AGBL4: variants seen among roughly 807,000 people sequenced by gnomAD.
AGBL4 encodes AGBL carboxypeptidase 4.
AGBL4 carries 58 observed loss-of-function variants against 66.4 expected under a neutral mutation model. The observed-to-expected ratio is 0.87, with a 90% CI of 0.71 to 1.09. The LOEUF (loss-of-function observed/expected upper bound fraction) is 1.09. AGBL4 is among the 50% of genes least tolerant of loss of function. The pLI is 0.00. For synonymous variants in AGBL4, 234 were observed against 222.9 expected (o/e 1.05, Z -0.44); for missense variants, 579 against 631.0 (o/e 0.92, Z 0.88).
At chr1:49,187,820 C>T (rs1048988833) in intron 4 of AGBL4, among the ~76,000 whole-genome samples, 1 of 152,096 alleles carries the variant, frequency 6.6e-6, no homozygotes, top group Non-Finnish European at 1.5e-5. Flanking sequence ...TATTCTTTTA[C>T]CCCTTGATAT....
At chr1:49,794,959 G>A (rs1035644812) in intron 2 of AGBL4, among the ~76,000 whole-genome samples, 4 of 151,888 alleles carry the variant, frequency 2.6e-5, no homozygotes, top group Admixed American at 1.3e-4. Flanking sequence ...AGCACTAGAT[G>A]TTGAAAAGTA....
At chr1:49,017,163 AG>A (rs1439875904) in intron 5 of AGBL4, among the ~76,000 whole-genome samples, 2 of 152,242 alleles carry the variant, frequency 1.3e-5, no homozygotes, top group African/African-American at 4.8e-5. Context: ...ATCCTCTCCC[AG>A]AAAAATGCAC....
intron 6 of AGBL4, chr1:48,818,197 A>G: frequency 1.4e-6 from 1 of 717,462 alleles, no homozygotes; most frequent in South Asian, 1.5e-5. Context: ...TCAGAAGCAA[A>G]TGATTTCACC....
intron 3 of AGBL4, among the ~76,000 whole-genome samples, chr1:49,525,322 G>A (rs1199488322): frequency 6.6e-6 from 1 of 152,060 alleles, no homozygotes; most frequent in African/African-American, 2.4e-5. Flanking sequence ...CTGCTGTAGA[G>A]TGAGTGGTCA....
At chr1:49,410,211 A>G (rs1253901376) in intron 3 of AGBL4, among the ~76,000 whole-genome samples, 1 of 152,118 alleles carries the variant, frequency 6.6e-6, no homozygotes, top group African/African-American at 2.4e-5. Context: ...GCTCCAGGAT[A>G]TGGCCATGTT....
intron 5 of AGBL4, among the ~76,000 whole-genome samples, chr1:48,891,251 CA>C (rs1650932140): frequency 6.6e-6 from 1 of 150,856 alleles, no homozygotes; most frequent in Non-Finnish European, 1.5e-5. Flanking sequence ...TGGATCAGGT[CA>C]CAGGAGTCAG....
chr1:49,942,983 T>A (rs910876896), intron 1 of AGBL4, among the ~76,000 whole-genome samples: 1 of 152,102 alleles, frequency 6.6e-6, no homozygotes, highest in African/African-American at 2.4e-5. Flanking sequence ...GAAATAACCA[T>A]TTTCAAAATG....
At chr1:49,232,811 A>G (rs1650429539) in intron 4 of AGBL4, among the ~76,000 whole-genome samples, 1 of 152,170 alleles carries the variant, frequency 6.6e-6, no homozygotes, top group Non-Finnish European at 1.5e-5. Flanking sequence ...AATGATATTT[A>G]GTTTTAAATA....
chr1:49,297,095 T>C (rs1644658367), intron 3 of AGBL4, among the ~76,000 whole-genome samples: 1 of 152,232 alleles, frequency 6.6e-6, no homozygotes, highest in South Asian at 2.1e-4. Flanking sequence ...TTCTCCAAAA[T>C]ACAACTTTCA....
In AGBL4 at chr1:48,955,145, C is replaced by T. The variant is rs562228377; in HGVS notation, c.595-87915G>A. On this transcript the variant is annotated intron_variant, in intron 5 of 13. Coordinates refer to ENST00000371839, the MANE Select transcript of AGBL4 (RefSeq NM_032785.4). ...ACATCCTTCCCCTTCTTCCAAGCTTCTCAGAGCTATGGGAGCAGAATAAAT... is the reference window on the plus strand; with the variant it reads ...ACATCCTTCCCCTTCTTCCAAGCTTTTCAGAGCTATGGGAGCAGAATAAAT... 4.6e-5 allele frequency among the ~76,000 whole-genome samples: 7 copies of T among 152,278 alleles called. No individual in the cohort carries two copies. The South Asian group carries it at 1.4e-3, about 32-fold the overall frequency.
chr1:49,083,500 C>T (rs1644843755), intron 4 of AGBL4, among the ~76,000 whole-genome samples: 1 of 152,224 alleles, frequency 6.6e-6, no homozygotes, highest in South Asian at 2.1e-4. Context: ...TGAAGCTGAA[C>T]CTTGGCCCCT....
chr1:48,841,121 G>A (rs375333690), intron 6 of AGBL4, among the ~76,000 whole-genome samples: 1 of 152,290 alleles, frequency 6.6e-6, no homozygotes, highest in East Asian at 1.9e-4. Flanking sequence ...GAGGAAGGGT[G>A]TGACTACCAG....
chr1:48,806,284 G>T (rs1161933609), intron 6 of AGBL4, among the ~76,000 whole-genome samples: 1 of 152,036 alleles, frequency 6.6e-6, no homozygotes, highest in Non-Finnish European at 1.5e-5. Flanking sequence ...GGTAGAATGG[G>T]GCAAAAAGAT....
chr1:49,284,374 G>T (rs1204669181), intron 3 of AGBL4, among the ~76,000 whole-genome samples: 6 of 151,856 alleles, frequency 4.0e-5, no homozygotes, highest in Non-Finnish European at 7.4e-5. Context: ...TGAAGGAAGC[G>T]CTAAACAGGG....
intron 3 of AGBL4, among the ~76,000 whole-genome samples, chr1:49,648,610 G>T (rs1645938751): frequency 6.6e-6 from 1 of 151,708 alleles, no homozygotes; most frequent in Non-Finnish European, 1.5e-5. Flanking sequence ...AATCCAAAAA[G>T]AATACAGAGG....
At chr1:49,100,590 TAG>T (rs1645183367) in intron 4 of AGBL4, among the ~76,000 whole-genome samples, 1 of 151,938 alleles carries the variant, frequency 6.6e-6, no homozygotes, top group African/African-American at 2.4e-5. Flanking sequence ...TATGTCGGGG[TAG>T]AAGTCAAGTC....
chr1:49,937,967 C>G (rs952847350), intron 1 of AGBL4, among the ~76,000 whole-genome samples: 1 of 151,928 alleles, frequency 6.6e-6, no homozygotes, highest in Non-Finnish European at 1.5e-5. Context: ...CATTCAAATG[C>G]CAGCAGAAGG....
chr1:49,935,279 G>T (rs1444264462), intron 1 of AGBL4, among the ~76,000 whole-genome samples: 3 of 152,254 alleles, frequency 2.0e-5, no homozygotes, highest in Admixed American at 6.5e-5. Context: ...CAAGGCTGGG[G>T]GAGGGGCGCC....
chr1:48,699,019 T>C (rs1646759258), intron 6 of AGBL4, among the ~76,000 whole-genome samples: 1 of 152,194 alleles, frequency 6.6e-6, no homozygotes, highest in Non-Finnish European at 1.5e-5. Flanking sequence ...ACCATATATT[T>C]CTCTAGCTGC....
Sources: gnomAD v4.1 joint callset for allele counts (sites outside exome capture counted in the v4.1 genomes callset) on GRCh38, gnomAD v4.1.1 for gene constraint, MANE v1.5 for transcripts, NCBI Gene and HGNC (gene_info 2026-07-23, HGNC 2026-07-21) for gene names.